FAM193A: variants seen among roughly 807,000 people sequenced by gnomAD.
FAM193A encodes the protein family with sequence similarity 193 member A, also known as protein FAM193A.
A neutral mutation model predicts 126.5 loss-of-function variants in FAM193A; 22 were observed. That is an observed-to-expected ratio of 0.17 (90% CI 0.12 to 0.25). The LOEUF is 0.25. Among genes scored for constraint, FAM193A ranks in the 10% least tolerant of loss-of-function variants. FAM193A has a pLI of 1.00. For synonymous variants in FAM193A, 761 were observed against 646.8 expected (o/e 1.18, Z -2.68); for missense variants, 1,675 against 1,672.8 (o/e 1.00, Z -0.02).
chr4:2,556,826 A>G (rs1022375805), intron 1 of FAM193A, among the ~76,000 whole-genome samples: 31 of 152,210 alleles, frequency 2.0e-4, no homozygotes, highest in African/African-American at 7.0e-4. Flanking sequence ...AGTAAAGAAC[A>G]TTGTTCTCTT....
chr4:2,559,272 A>G (rs1365051554), intron 1 of FAM193A, among the ~76,000 whole-genome samples: 2 of 152,196 alleles, frequency 1.3e-5, no homozygotes, highest in Non-Finnish European at 2.9e-5. Context: ...TTGCCAAGAC[A>G]GTATTTGTTA....
chr4:2,626,438 C>G lies in FAM193A; in HGVS notation c.664C>G (p.Pro222Ala), dbSNP rs1275494467. Residue 222 changes from proline (P) to alanine (A), a missense_variant, in exon 4 of 21, where the codon CCT (proline) becomes GCT (alanine). By Grantham distance (27) the Pro-to-Ala change is conservative. Coordinates refer to ENST00000637812, the MANE Select transcript of FAM193A (RefSeq NM_001366318.2). ...AATTTCGGCAGAGGCGGACCGGGAACCTCAGCAGCTGCAGAACTACTGGTC... is the reference window on the plus strand; with the variant it reads ...AATTTCGGCAGAGGCGGACCGGGAAGCTCAGCAGCTGCAGAACTACTGGTC... ...REISAEADRE[P>A]QQLQNYWSEV... 2.9e-6 allele frequency: 2 copies of G among 700,362 alleles called. No individual in the cohort carries two copies. The highest frequency in any genetic ancestry group is 5.2e-6 in the Non-Finnish European group (2 of 382,970). The allele number at this position is 700,362 out of a possible 1,614,324, so 43.4% of individuals were successfully genotyped here.
chr4:2,584,240 C>G (rs904226639), intron 1 of FAM193A, among the ~76,000 whole-genome samples: 3 of 151,964 alleles, frequency 2.0e-5, no homozygotes, highest in African/African-American at 7.3e-5. Context: ...TTCATTTGTC[C>G]TTTAACAATG....
chr4:2,650,562 G>T (rs1365379383), intron 7 of FAM193A, among the ~76,000 whole-genome samples: 1 of 152,192 alleles, frequency 6.6e-6, no homozygotes, highest in Non-Finnish European at 1.5e-5. Context: ...GGGCTCTGAA[G>T]CCCAGGGAGA....
At chr4:2,682,337 T>G (rs137998623) in intron 13 of FAM193A, among the ~76,000 whole-genome samples, 1,601 of 152,264 alleles carry the variant, frequency 0.011, 28 homozygotes, top group African/African-American at 0.036. Context: ...TTGTTTGTTT[T>G]TTTATTTTTA....
chr4:2,612,259 T>G (rs937223890), intron 2 of FAM193A, among the ~76,000 whole-genome samples: 33 of 151,890 alleles, frequency 2.2e-4, no homozygotes, highest in Middle Eastern at 3.4e-3. Context: ...CCTAGCACTT[T>G]GGGAGGCTGA....
chr4:2,568,214 C>G (rs535023192), intron 1 of FAM193A, among the ~76,000 whole-genome samples: 1 of 152,168 alleles, frequency 6.6e-6, no homozygotes, highest in African/African-American at 2.4e-5. Flanking sequence ...TAGCTGTGGG[C>G]TTGTAAAATT....
intron 20 of FAM193A, among the ~76,000 whole-genome samples, chr4:2,726,934 G>T (rs527948656): frequency 8.5e-6 from 1 of 117,588 alleles, no homozygotes; most frequent in South Asian, 2.9e-4. Flanking sequence ...TGGGCAACAA[G>T]AGCAAAACTC....
intron 1 of FAM193A, among the ~76,000 whole-genome samples, chr4:2,583,338 T>C (rs888658836): frequency 6.6e-6 from 1 of 152,224 alleles, no homozygotes; most frequent in African/African-American, 2.4e-5. Context: ...TCAGTTCTTC[T>C]GCCTTTTCCC....
At chr4:2,709,631 C>G (rs1356578177) in intron 19 of FAM193A, among the ~76,000 whole-genome samples, 1 of 152,102 alleles carries the variant, frequency 6.6e-6, no homozygotes, top group Non-Finnish European at 1.5e-5. Flanking sequence ...ATAGCTTGAA[C>G]CCGGGAGGTG....
intron 1 of FAM193A, among the ~76,000 whole-genome samples, chr4:2,594,820 CTTTTTTT>C (rs386399069): frequency 1.7e-3 from 105 of 62,232 alleles, no homozygotes; most frequent in South Asian, 0.013. Flanking sequence ...TTTTCTTTTC[CTTTTTTT>C]TTTTTTTTTT....
chr4:2,669,844 T>A (rs1713590069), intron 12 of FAM193A, among the ~76,000 whole-genome samples: 1 of 152,162 alleles, frequency 6.6e-6, no homozygotes, highest in South Asian at 2.1e-4. Flanking sequence ...GGTGTTTTAG[T>A]AGGGTCTGGG....
chr4:2,606,758 A>C (rs572383630), intron 2 of FAM193A, among the ~76,000 whole-genome samples: 13 of 152,152 alleles, frequency 8.5e-5, no homozygotes, highest in East Asian at 7.7e-4. Context: ...TATTTGTTAC[A>C]AAAAAATCAT....
rs115860848 is a variant in FAM193A, at chr4:2,607,384, G to A, written c.501+11055G>A. ...CACCATTGTTTTTTTCCCTGTCAGTGTGAATGTCAGCACAGTGAAAAAGGC... is the reference window on the plus strand; with the variant it reads ...CACCATTGTTTTTTTCCCTGTCAGTATGAATGTCAGCACAGTGAAAAAGGC... On this transcript the variant is annotated intron_variant, in intron 2 of 20. Transcript: ENST00000637812. 2.8e-3 allele frequency among the ~76,000 whole-genome samples: 430 copies of A among 152,222 alleles called. 1 individual carries two copies. Among genetic ancestry groups the A allele is most frequent in the African/African-American group, 7.8e-3 (323 of 41,532 alleles).
chr4:2,617,666 G>A (rs1239732011), intron 2 of FAM193A, among the ~76,000 whole-genome samples: 1 of 151,778 alleles, frequency 6.6e-6, no homozygotes, highest in East Asian at 1.9e-4. Flanking sequence ...CCACTTTTCA[G>A]CCTCTACTCT....
intron 2 of FAM193A, among the ~76,000 whole-genome samples, chr4:2,605,732 G>C (rs1577066231): frequency 6.6e-6 from 1 of 152,246 alleles, no homozygotes; most frequent in East Asian, 1.9e-4. Flanking sequence ...AGCACTTTGG[G>C]AGGCCAAGAT....
At chr4:2,576,042 A>G (rs75843302) in intron 1 of FAM193A, among the ~76,000 whole-genome samples, 3,650 of 152,268 alleles carry the variant, frequency 0.024, 164 homozygotes, top group African/African-American at 0.083. Context: ...TTTTGGCACT[A>G]CTGAATGATT....
Position 2,536,713 on chromosome 4 carries a change from G to T in FAM193A, c.-203G>T. The T allele has an allele frequency of 6.6e-6, 1 of 151,528 alleles. No individual in the cohort carries two copies. Among genetic ancestry groups the T allele is most frequent in the South Asian group, 1.9e-4 (1 of 5,206 alleles). The allele number at this position is 151,528 out of a possible 1,614,324, so 9.4% of individuals were successfully genotyped here. On this transcript the variant is annotated 5_prime_UTR_variant, in exon 1 of 21. Transcript: ENST00000637812. The stretch of plus-strand genomic sequence containing the variant: ...GGTCAGCCGCGGCGCCGGGACTGTG[G>T]ACTCGCGGTTCCTCCCGCCCAGCGG...
chr4:2,692,181 C>T (rs1003662619), intron 15 of FAM193A, among the ~76,000 whole-genome samples: 1 of 152,184 alleles, frequency 6.6e-6, no homozygotes, highest in Non-Finnish European at 1.5e-5. Flanking sequence ...CACAGTTCCA[C>T]ATGGCTAGGG....
Sources: gnomAD v4.1 joint callset for allele counts (sites outside exome capture counted in the v4.1 genomes callset) on GRCh38, gnomAD v4.1.1 for gene constraint, MANE v1.5 for transcripts, NCBI Gene and HGNC (gene_info 2026-07-23, HGNC 2026-07-21) for gene names.